Variants in PCDHA1 observed in about 807,000 individuals in gnomAD.
PCDHA1 encodes protocadherin alpha-1.
PCDHA1 carries 42 observed loss-of-function variants against 61.3 expected under a neutral mutation model. The ratio of observed to expected loss-of-function variants is 0.69; its 90% CI spans 0.54 to 0.89. PCDHA1 has a LOEUF of 0.89. Among genes scored for constraint, PCDHA1 ranks in the 40% least tolerant of loss-of-function variants. The pLI is 0.00. For synonymous variants in PCDHA1, 610 were observed against 553.8 expected, an observed-to-expected ratio of 1.10 and a Z score of -1.43; for missense variants, 1,256 against 1,235.3, an observed-to-expected ratio of 1.02 and a Z score of -0.25.
chr5:140,837,617 C>T (rs1249058339), intron 1 of PCDHA1, among the ~76,000 whole-genome samples: 2 of 146,230 alleles, frequency 1.4e-5, no homozygotes, highest in Non-Finnish European at 3.0e-5. Flanking sequence ...TAATTTGCCC[C>T]TTCCTTCCTT....
intron 1 of PCDHA1, among the ~76,000 whole-genome samples, chr5:140,886,671 C>A (rs1411583056): frequency 6.6e-6 from 1 of 151,634 alleles, no homozygotes; most frequent in East Asian, 1.9e-4. Context: ...ACTAAAAATA[C>A]AAAAATTAGC....
At position 140,786,305 on chromosome 5, in the gene PCDHA1, G is replaced by A; in HGVS notation, c.15G>A (p.Arg5=). 2 of 1,607,634 alleles carry A rather than the reference G, an allele frequency of 1.2e-6. No homozygotes were observed. The highest frequency in any genetic ancestry group is 1.1e-5 in the South Asian group (1 of 90,276). MVFS[R]RGGLGARDLL... ...GTCCTTTTGCAATGGTGTTTTCTAG[G>A]AGAGGGGGCCTGGGAGCCCGGGATC... The change falls in exon 1 of 4, where the codon AGG becomes AGA. Residue 5 remains arginine, a synonymous_variant. Coordinates refer to ENST00000504120, the MANE Select transcript of PCDHA1 (RefSeq NM_018900.4).
Position 140,838,414 on chromosome 5 carries a change from G to A in PCDHA1, c.2394+49730G>A, listed in dbSNP as rs2150289048. 3.3e-5 allele frequency among the ~76,000 whole-genome samples: 5 copies of A among 151,096 alleles called. No homozygotes were observed. The South Asian group carries it at 6.3e-4, about 19-fold the overall frequency. On this transcript the variant is annotated intron_variant, in intron 1 of 3. Coordinates refer to ENST00000504120, the MANE Select transcript of PCDHA1 (RefSeq NM_018900.4). ...GCTGGGATTACAGGAGTGAGCCACC[G>A]CATCCGGCCTAAATTATATATTGGG...
chr5:140,871,433 T>C (rs2053076165), intron 1 of PCDHA1: 3 of 1,612,290 alleles, frequency 1.9e-6, no homozygotes, highest in Non-Finnish European at 2.5e-6. Flanking sequence ...AGTCTTCCTC[T>C]AGGTCTGAAT....
At chr5:140,838,077 AGTGTG>A (rs1171079264) in intron 1 of PCDHA1, among the ~76,000 whole-genome samples, 34 of 80,696 alleles carry the variant, frequency 4.2e-4, no homozygotes, top group African/African-American at 1.3e-3. Context: ...ATATATATAT[AGTGTG>A]TGTGTGTGTG....
chr5:140,843,007 G>A, intron 1 of PCDHA1: 1 of 1,594,980 alleles, frequency 6.3e-7, no homozygotes, highest in Non-Finnish European at 8.6e-7. Context: ...ATGACAACGC[G>A]CCGGCACTGC....
intron 1 of PCDHA1, among the ~76,000 whole-genome samples, chr5:140,905,387 G>T (rs1554192032): frequency 1.3e-5 from 2 of 152,138 alleles, no homozygotes; most frequent in African/African-American, 4.8e-5. Context: ...TGTTTCATAG[G>T]TCTGTGTGCC....
chr5:140,820,724 C>A (rs926082554), intron 1 of PCDHA1, among the ~76,000 whole-genome samples: 1 of 151,900 alleles, frequency 6.6e-6, no homozygotes, highest in Non-Finnish European at 1.5e-5. Flanking sequence ...TTACTGGAAC[C>A]TAAACATTTT....
intron 1 of PCDHA1, among the ~76,000 whole-genome samples, chr5:140,799,303 G>A (rs1340547965): frequency 6.6e-6 from 1 of 151,916 alleles, no homozygotes; most frequent in African/African-American, 2.4e-5. Flanking sequence ...TTTGCAATTA[G>A]TATAACTCTT....
chr5:140,899,544 T>A (rs925092249), intron 1 of PCDHA1, among the ~76,000 whole-genome samples: 11 of 152,202 alleles, frequency 7.2e-5, no homozygotes, highest in Non-Finnish European at 1.5e-5. Context: ...TTGATCATGG[T>A]GGATAAGCTT....
intron 3 of PCDHA1, among the ~76,000 whole-genome samples, chr5:140,991,228 TGCAGTGGTAAAG>T (rs1452293099): frequency 1.1e-4 from 16 of 152,220 alleles, no homozygotes; most frequent in Non-Finnish European, 2.4e-4. Flanking sequence ...CATTAATAAA[TGCAGTGGTAAAG>T]GCAGTATTTG....
chr5:140,883,319 A>C, intron 1 of PCDHA1: 1 of 1,614,126 alleles, frequency 6.2e-7, no homozygotes, highest in Non-Finnish European at 8.5e-7. Context: ...CCCAGAGGTT[A>C]CCATCACTTC....
chr5:140,887,251 C>G (rs2153419046), intron 1 of PCDHA1, among the ~76,000 whole-genome samples: 1 of 152,162 alleles, frequency 6.6e-6, no homozygotes. Context: ...CGCCCGCCAC[C>G]ACGCCCTGCT....
chr5:140,794,930 C>A, intron 1 of PCDHA1: 1 of 1,559,700 alleles, frequency 6.4e-7, no homozygotes, highest in African/African-American at 1.4e-5. Flanking sequence ...GCAAAACATG[C>A]TCTTCTAATT....
rs7710953 is a variant in PCDHA1 at position 140,852,165 on chromosome 5, C to T, written c.2394+63481C>T. On this transcript the variant is annotated intron_variant, in intron 1 of 3. Coordinates refer to ENST00000504120, the MANE Select transcript of PCDHA1 (RefSeq NM_018900.4). ...GATCAGAATGGCCTTGAGAATAGAGCCACAAAAATAACTATGAAAATGCCA... is the reference window on the plus strand; with the variant it reads ...GATCAGAATGGCCTTGAGAATAGAGTCACAAAAATAACTATGAAAATGCCA... 4.5e-3 allele frequency: 3,690 copies of T among 821,522 alleles called. 269 individuals are homozygous for T. In the African/African-American group the frequency reaches 0.065, roughly 14 times the overall value. 50.9% of individuals were successfully genotyped at this position (821,522 alleles called of 1,614,324 possible).
At chr5:140,790,232 C>T (rs1554118510) in intron 1 of PCDHA1, among the ~76,000 whole-genome samples, 2 of 152,166 alleles carry the variant, frequency 1.3e-5, no homozygotes, top group African/African-American at 4.8e-5. Flanking sequence ...TTTTGCAAAA[C>T]CCACGGAAAT....
chr5:140,856,635 G>A (rs1341590061), intron 1 of PCDHA1: 5 of 1,597,884 alleles, frequency 3.1e-6, no homozygotes, highest in South Asian at 1.1e-5. Context: ...CTTGTTCTGC[G>A]GAAGCTGCTG....
At chr5:140,803,435 G>GAGCT in intron 1 of PCDHA1, 1 of 1,614,210 alleles carries the variant, frequency 6.2e-7, no homozygotes, top group South Asian at 1.1e-5. Context: ...GCGCGGTGGG[G>GAGCT]AGCTGGTCAT....
At chr5:140,826,236 TTATA>T (rs1420933804) in intron 1 of PCDHA1, among the ~76,000 whole-genome samples, 3 of 152,218 alleles carry the variant, frequency 2.0e-5, no homozygotes, top group Non-Finnish European at 4.4e-5. Context: ...TATAAACTAT[TTATA>T]TATCTCTTTA....
Sources: allele counts gnomAD v4.1 joint callset (sites outside exome capture counted in the v4.1 genomes callset), GRCh38; gene constraint gnomAD v4.1.1; transcripts MANE v1.5; gene names NCBI Gene and HGNC (gene_info 2026-07-23, HGNC 2026-07-21).